Variants in PRDM1 observed in about 807,000 individuals in gnomAD.
PRDM1 encodes the protein PR/SET domain 1, also known as PR domain zinc finger protein 1.
PRDM1 carries 13 observed loss-of-function variants against 62.8 expected under a neutral mutation model. The observed-to-expected ratio is 0.21, with a 90% CI of 0.13 to 0.33. PRDM1 has a LOEUF of 0.33. Among genes scored for constraint, PRDM1 ranks in the 10% least tolerant of loss-of-function variants. The pLI is 1.00. For missense variants in PRDM1, 895 were observed against 1,058.8 expected, an observed-to-expected ratio of 0.85 and a Z score of 2.15; for synonymous variants, 396 against 417.6, an observed-to-expected ratio of 0.95 and a Z score of 0.63.
intron 1 of PRDM1, among the ~76,000 whole-genome samples, chr6:106,005,688 C>G (rs1289358619): frequency 1.3e-5 from 2 of 152,144 alleles, no homozygotes; most frequent in Admixed American, 1.3e-4. Flanking sequence ...ATATACGTAT[C>G]AAATTGAAGA....
Position 106,088,197 on chromosome 6 carries a change from C to G in PRDM1, c.43-4C>G, listed in dbSNP as rs766055906. The G allele has an allele frequency of 1.9e-4, 305 of 1,598,674 alleles. 6 individuals carry two copies. The South Asian group carries it at 3.2e-3, about 17-fold the overall frequency. ...GGATTAAAGGCCTTTCCTTTCTCTTCCAGGCTGCCCCCAAGTGTAACTCCA... is the reference window on the plus strand; with the variant it reads ...GGATTAAAGGCCTTTCCTTTCTCTTGCAGGCTGCCCCCAAGTGTAACTCCA... On this transcript the variant is annotated splice_polypyrimidine_tract_variant and splice_region_variant and intron_variant, in intron 1 of 6. Transcript: ENST00000369096.
chr6:106,050,758 G>T (rs1773160552), intron 1 of PRDM1, among the ~76,000 whole-genome samples: 1 of 152,104 alleles, frequency 6.6e-6, no homozygotes, highest in African/African-American at 2.4e-5. Flanking sequence ...GTGGATTTTG[G>T]CCATTCATAT....
Position 106,106,818 on chromosome 6 carries a change from G to T in PRDM1, c.1903-93G>T. 1.8e-5 allele frequency: 25 copies of T among 1,379,414 alleles called. No individual in the cohort carries two copies. The highest frequency in any genetic ancestry group is 2.5e-5 in the Non-Finnish European group (25 of 1,009,620). 85.4% of individuals were successfully genotyped at this position (1,379,414 alleles called of 1,614,324 possible). Reference sequence around the variant, plus strand: ...CTTCTCACCTCCTAGGTTGCTGGGCGTTGGCCGGTAAGCCTGCCCCTCCCG... The same window carrying T: ...CTTCTCACCTCCTAGGTTGCTGGGCTTTGGCCGGTAAGCCTGCCCCTCCCG... On this transcript the variant is annotated intron_variant, in intron 6 of 6. Coordinates refer to ENST00000369096, the MANE Select transcript of PRDM1 (RefSeq NM_001198.4). The surrounding 1 kb of genome is among the most constrained non-coding windows in gnomAD (Gnocchi z 4.4).
rs574943048 is a variant in PRDM1, at chr6:106,086,424, T to G, written c.-130T>G. On this transcript the variant is annotated 5_prime_UTR_variant, in exon 1 of 7. Coordinates refer to ENST00000369096, the MANE Select transcript of PRDM1 (RefSeq NM_001198.4). ...ACCGCGGCACCTGTCCGCCCGGAGC[T>G]GGGACGCGGGCGCCCGGGCGGCCGG... 1.3e-6 allele frequency: 1 copy of G among 783,162 alleles called. No homozygotes were observed. The highest frequency in any genetic ancestry group is 2.1e-6 in the Non-Finnish European group (1 of 483,300). 48.5% of individuals were successfully genotyped at this position (783,162 alleles called of 1,614,324 possible).
intron 1 of PRDM1, among the ~76,000 whole-genome samples, chr6:106,036,540 A>C (rs2114571853): frequency 6.6e-6 from 1 of 152,066 alleles, no homozygotes; most frequent in Non-Finnish European, 1.5e-5. Flanking sequence ...CTCCATCCTC[A>C]CCTCTGTGTT....
intron 1 of PRDM1, among the ~76,000 whole-genome samples, chr6:106,056,971 T>C (rs1659024092): frequency 6.6e-6 from 1 of 152,186 alleles, no homozygotes; most frequent in Non-Finnish European, 1.5e-5. Flanking sequence ...TCACAAGTGC[T>C]CAAGGAATAT....
intron 1 of PRDM1, among the ~76,000 whole-genome samples, chr6:106,063,036 T>C (rs1168718887): frequency 1.3e-5 from 2 of 152,218 alleles, no homozygotes; most frequent in African/African-American, 4.8e-5. Context: ...CCCGCAGATT[T>C]AGTCCTTTCG....
chr6:106,032,694 G>A (rs1268407754), intron 1 of PRDM1, among the ~76,000 whole-genome samples: 5 of 152,100 alleles, frequency 3.3e-5, no homozygotes, highest in African/African-American at 1.2e-4. Context: ...ACCTGCCTCA[G>A]CTTCCCAAAG....
chr6:106,058,706 G>T (rs1773300353), intron 1 of PRDM1, among the ~76,000 whole-genome samples: 1 of 152,112 alleles, frequency 6.6e-6, no homozygotes, highest in African/African-American at 2.4e-5. Flanking sequence ...CTGAGTATCT[G>T]GGATTACAGG....
intron 2 of PRDM1, among the ~76,000 whole-genome samples, chr6:106,092,308 G>A (rs1484011152): frequency 1.3e-5 from 2 of 152,120 alleles, no homozygotes; most frequent in African/African-American, 4.8e-5. Context: ...CTGTAACTGA[G>A]GCCACAGACA....
chr6:106,108,698 C>T lies in PRDM1; in HGVS notation c.*1212C>T, dbSNP rs1054521336. 11 of 233,294 alleles carry T rather than the reference C, an allele frequency of 4.7e-5. No individual in the cohort carries two copies. Among genetic ancestry groups the T allele is most frequent in the South Asian group, 1.8e-4 (1 of 5,508 alleles). The allele number at this position is 233,294 out of a possible 1,614,324, so 14.5% of individuals were successfully genotyped here. A position where few individuals can be genotyped will look rare whatever the true frequency, so the allele number is the denominator to read the frequency against. ...GTAATGAACATTCCTATCCCCAACACATCAATTGTATTTTTTCTGTAAAAC... is the reference window on the plus strand; with the variant it reads ...GTAATGAACATTCCTATCCCCAACATATCAATTGTATTTTTTCTGTAAAAC... On this transcript the variant is annotated 3_prime_UTR_variant, in exon 7 of 7. Transcript: ENST00000369096.
At chr6:106,006,076 GC>G (rs1328359403) in intron 1 of PRDM1, among the ~76,000 whole-genome samples, 1 of 152,184 alleles carries the variant, frequency 6.6e-6, no homozygotes, top group Non-Finnish European at 1.5e-5. Flanking sequence ...CTTTCTCACA[GC>G]CTCCACTTCC....
intron 1 of PRDM1, among the ~76,000 whole-genome samples, chr6:106,020,012 T>C (rs1279110063): frequency 6.7e-6 from 1 of 150,076 alleles, no homozygotes; most frequent in African/African-American, 2.4e-5. Flanking sequence ...GGTGGATCAC[T>C]TGAGGTCAGG....
intron 1 of PRDM1, among the ~76,000 whole-genome samples, chr6:106,033,535 T>C (rs1413891417): frequency 6.6e-6 from 1 of 151,990 alleles, no homozygotes; most frequent in Non-Finnish European, 1.5e-5. Context: ...AGGCTGGTCT[T>C]GAACTCCTGG....
chr6:106,067,431 G>C (rs1048554892), intron 1 of PRDM1, among the ~76,000 whole-genome samples: 1 of 152,010 alleles, frequency 6.6e-6, no homozygotes, highest in Admixed American at 6.6e-5. Context: ...AATTGACAAG[G>C]ACTCAGATAC....
chr6:106,023,938 T>G (rs1425332046), intron 1 of PRDM1, among the ~76,000 whole-genome samples: 1 of 152,130 alleles, frequency 6.6e-6, no homozygotes, highest in Non-Finnish European at 1.5e-5. Context: ...GAACAGGAGT[T>G]TGAGACCAGC....
At chr6:106,098,895 C>T in intron 3 of PRDM1, 1 of 1,510,718 alleles carries the variant, frequency 6.6e-7, no homozygotes, top group African/African-American at 1.4e-5. Context: ...GGTCTTCTAC[C>T]CAGTGACTCA....
upstream of PRDM1, among the ~76,000 whole-genome samples, chr6:106,085,688 C>A (rs1773781053): frequency 6.6e-6 from 1 of 152,162 alleles, no homozygotes; most frequent in African/African-American, 2.4e-5. Context: ...TACTTACACT[C>A]CTGGGAAGTC....
chr6:106,062,217 T>C (rs1318797850), intron 1 of PRDM1, among the ~76,000 whole-genome samples: 1 of 152,242 alleles, frequency 6.6e-6, no homozygotes, highest in East Asian at 1.9e-4. Flanking sequence ...ATCTTAAAAA[T>C]ACATTTTTAC....
Sources: gnomAD v4.1 joint callset for allele counts (sites outside exome capture counted in the v4.1 genomes callset) on GRCh38, gnomAD v4.1.1 for gene constraint, Gnocchi (gnomAD v3.1) non-coding constraint, MANE v1.5 for transcripts, NCBI Gene and HGNC (gene_info 2026-07-23, HGNC 2026-07-21) for gene names.